RGS6: variants seen among roughly 807,000 people sequenced by gnomAD.
The protein encoded by RGS6 is regulator of G protein signaling 6.
In RGS6, 30 loss-of-function variants were observed where a neutral mutation model predicts 78.5. The ratio of observed to expected loss-of-function variants is 0.38; its 90% CI spans 0.29 to 0.52. The LOEUF is 0.52. Among genes scored for constraint, RGS6 ranks in the 20% least tolerant of loss-of-function variants. The pLI, the probability that RGS6 is intolerant of heterozygous loss-of-function variation, is 0.85. For synonymous variants in RGS6, 206 were observed against 206.0 expected (o/e 1.00, Z 0.00); for missense variants, 495 against 609.7 (o/e 0.81, Z 1.98).
intron 3 of RGS6, among the ~76,000 whole-genome samples, chr14:72,425,525 A>G (rs2094398656): frequency 6.6e-6 from 1 of 152,238 alleles, no homozygotes. Flanking sequence ...GTATACAAAT[A>G]TTAGTACCCA....
intron 2 of RGS6, 79 bp from the exon 3 acceptor site, chr14:72,352,016 A>G: frequency 2.0e-6 from 2 of 1,021,884 alleles, no homozygotes; most frequent in Non-Finnish European, 2.9e-6. Context: ...ATGTTTATAC[A>G]TTTGGGCTGT....
chr14:72,475,167 A>C (rs2096204573), intron 10 of RGS6, among the ~76,000 whole-genome samples: 1 of 150,126 alleles, frequency 6.7e-6, no homozygotes, highest in Non-Finnish European at 1.5e-5. Context: ...AGCAAGCTTT[A>C]TACTTAGAAG....
At chr14:72,561,734 C>A (rs1408446863) in intron 17 of RGS6, among the ~76,000 whole-genome samples, 1 of 152,186 alleles carries the variant, frequency 6.6e-6, no homozygotes, top group East Asian at 1.9e-4. Flanking sequence ...GGCTTGTAGG[C>A]TTTCCTGGTA....
intron 2 of RGS6, among the ~76,000 whole-genome samples, chr14:72,256,168 G>A (rs186767821): frequency 6.6e-6 from 1 of 152,256 alleles, no homozygotes; most frequent in African/African-American, 2.4e-5. Context: ...AGAGCTCAGA[G>A]GCTAGGGTTT....
intron 2 of RGS6, among the ~76,000 whole-genome samples, chr14:72,253,857 T>C (rs1181131630): frequency 6.6e-6 from 1 of 152,246 alleles, no homozygotes; most frequent in African/African-American, 2.4e-5. Context: ...ATGGGGTGTT[T>C]GTTACTGCAG....
chr14:72,199,498 T>C (rs2040992125), intron 2 of RGS6, among the ~76,000 whole-genome samples: 1 of 152,212 alleles, frequency 6.6e-6, no homozygotes, highest in Non-Finnish European at 1.5e-5. Context: ...TATTCAAGCT[T>C]GTTGTGAATG....
At chr14:71,930,219 C>T (rs1236476318), upstream of RGS6, among the ~76,000 whole-genome samples, 4 of 152,208 alleles carry the variant, frequency 2.6e-5, no homozygotes, top group Admixed American at 1.3e-4. Flanking sequence ...ACCTTCATCT[C>T]CAACTTCAAG....
chr14:72,413,370 A>G lies in RGS6; in HGVS notation c.185-41158A>G, dbSNP rs1259626821. 1.3e-4 allele frequency among the ~76,000 whole-genome samples: 20 copies of G among 152,224 alleles called. No homozygotes were observed. The East Asian group carries it at 3.9e-3, about 29-fold the overall frequency. ...TCTTTGTTGGTTTAAAGTCTGTTTTATCAGAGACTAGGATTGCAACCCCTG... is the reference window on the plus strand; with the variant it reads ...TCTTTGTTGGTTTAAAGTCTGTTTTGTCAGAGACTAGGATTGCAACCCCTG... On this transcript the variant is annotated intron_variant, in intron 3 of 17. Transcript: ENST00000553525.
chr14:72,300,757 G>T (rs1185266807), intron 2 of RGS6, among the ~76,000 whole-genome samples: 1 of 152,164 alleles, frequency 6.6e-6, no homozygotes, highest in Admixed American at 6.5e-5. Context: ...GCATCTTGGC[G>T]GTGGTCAGTA....
intron 2 of RGS6, among the ~76,000 whole-genome samples, chr14:72,060,794 A>C (rs2093855184): frequency 6.6e-6 from 1 of 152,046 alleles, no homozygotes; most frequent in Non-Finnish European, 1.5e-5. Context: ...TTATTGGTAG[A>C]CCTCCTAAAA....
chr14:71,960,283 A>G (rs2093094307), intron 1 of RGS6, among the ~76,000 whole-genome samples: 1 of 152,170 alleles, frequency 6.6e-6, no homozygotes, highest in South Asian at 2.1e-4. Flanking sequence ...CTTCTTACCT[A>G]AATTGCTTAT....
intron 2 of RGS6, among the ~76,000 whole-genome samples, chr14:72,245,087 G>A (rs1255077757): frequency 6.6e-6 from 1 of 152,210 alleles, no homozygotes; most frequent in Non-Finnish European, 1.5e-5. Context: ...AACGATATCA[G>A]CGTTGGGGAG....
intron 2 of RGS6, among the ~76,000 whole-genome samples, chr14:72,282,719 C>A (rs1032566109): frequency 4.6e-5 from 7 of 152,170 alleles, no homozygotes; most frequent in Non-Finnish European, 7.4e-5. Context: ...AATAAACATG[C>A]CTGTCACCTC....
intron 2 of RGS6, among the ~76,000 whole-genome samples, chr14:72,011,644 A>G (rs1290324067): frequency 6.6e-6 from 1 of 152,208 alleles, no homozygotes; most frequent in African/African-American, 2.4e-5. Flanking sequence ...CATAGCATTT[A>G]TATTGTATTA....
intron 2 of RGS6, among the ~76,000 whole-genome samples, chr14:72,244,305 G>C (rs1227998242): frequency 7.7e-6 from 1 of 130,380 alleles, no homozygotes; most frequent in Non-Finnish European, 1.7e-5. Context: ...GGCTTTTGTT[G>C]CTTTTCTCAA....
intron 2 of RGS6, among the ~76,000 whole-genome samples, chr14:71,967,840 A>T (rs1194397711): frequency 6.6e-6 from 1 of 152,170 alleles, no homozygotes; most frequent in Non-Finnish European, 1.5e-5. Context: ...GACATTTAGG[A>T]TGGTAACCTC....
chr14:71,974,352 T>A (rs985691728), intron 2 of RGS6, among the ~76,000 whole-genome samples: 1 of 152,190 alleles, frequency 6.6e-6, no homozygotes, highest in African/African-American at 2.4e-5. Flanking sequence ...GCATTCTCTG[T>A]TCTAAAAACT....
intron 2 of RGS6, among the ~76,000 whole-genome samples, chr14:72,213,883 ACT>A (rs2044819036): frequency 6.6e-6 from 1 of 151,864 alleles, no homozygotes; most frequent in African/African-American, 2.4e-5. Flanking sequence ...ATTTGACACT[ACT>A]CTCTATATTT....
At chr14:71,949,780 A>ATTTTTTTTTTTTT (rs3053024) in intron 1 of RGS6, among the ~76,000 whole-genome samples, 1 of 128,896 alleles carries the variant, frequency 7.8e-6, no homozygotes, top group East Asian at 2.3e-4. Context: ...TAGAAGCTCT[A>ATTTTTTTTTTTTT]TTTTTTTTTT....
Sources: allele counts gnomAD v4.1 joint callset (sites outside exome capture counted in the v4.1 genomes callset), GRCh38; gene constraint gnomAD v4.1.1; transcripts MANE v1.5; gene names NCBI Gene and HGNC (gene_info 2026-07-23, HGNC 2026-07-21).